Variants in RBFOX1 observed in about 807,000 individuals in gnomAD.
RBFOX1 encodes the protein RNA binding protein fox-1 homolog 1.
RBFOX1 carries 8 observed loss-of-function variants against 57.7 expected under a neutral mutation model. The ratio of observed to expected loss-of-function variants is 0.14; its 90% CI spans 0.08 to 0.25. The LOEUF (loss-of-function observed/expected upper bound fraction) is 0.25, where lower values mean the gene tolerates loss of function less well. RBFOX1 is among the 10% of genes least tolerant of loss of function. RBFOX1 has a pLI of 1.00. For missense variants in RBFOX1, 611 were observed against 548.5 expected (o/e 1.11, Z -1.14); for synonymous variants, 326 against 222.4 (o/e 1.47, Z -4.15).
chr16:5,769,315 C>G (rs1311592804), intron 3 of RBFOX1, among the ~76,000 whole-genome samples: 1 of 151,674 alleles, frequency 6.6e-6, no homozygotes, highest in East Asian at 1.9e-4. Flanking sequence ...TAGGGTGGGC[C>G]CTAATCCAGT....
Position 6,001,273 on chromosome 16 carries a change from G to A in RBFOX1, c.351+133938G>A, listed in dbSNP as rs112353369. On this transcript the variant is annotated intron_variant, in intron 4 of 19. Transcript: ENST00000641259. Reference sequence around the variant, plus strand: ...TGGAATTCTGATAATTTCCAATGAGGTGATTTTCTCTAGATTTTCACTTGT... The same window carrying A: ...TGGAATTCTGATAATTTCCAATGAGATGATTTTCTCTAGATTTTCACTTGT... Among the ~76,000 whole-genome samples the A allele has an allele frequency of 3.1e-3, 466 of 152,206 alleles. 3 individuals are homozygous for A. The highest frequency in any genetic ancestry group is 0.011 in the African/African-American group (453 of 41,526).
intron 3 of RBFOX1, among the ~76,000 whole-genome samples, chr16:6,965,467 G>T (rs149543989): frequency 6.6e-6 from 1 of 152,046 alleles, no homozygotes; most frequent in Non-Finnish European, 1.5e-5. Context: ...CTCCCCAGTA[G>T]CTGGGATTAC....
chr16:6,450,863 A>ATATG (rs2094604504), intron 2 of RBFOX1, among the ~76,000 whole-genome samples: 1 of 91,408 alleles, frequency 1.1e-5, no homozygotes, highest in Admixed American at 1.4e-4. Context: ...ATATATATAT[A>ATATG]TATATATATA....
chr16:7,419,968 GTA>G (rs2098524848), intron 4 of RBFOX1, among the ~76,000 whole-genome samples: 1 of 134,210 alleles, frequency 7.5e-6, no homozygotes, highest in Non-Finnish European at 1.5e-5. Flanking sequence ...GGAAGAATAA[GTA>G]TGGTTTTAGA....
At chr16:7,169,168 C>T (rs2080174459) in intron 4 of RBFOX1, among the ~76,000 whole-genome samples, 2 of 152,106 alleles carry the variant, frequency 1.3e-5, no homozygotes, top group African/African-American at 2.4e-5. Context: ...CAAATTTTGA[C>T]AATATTCATG....
intron 1 of RBFOX1, among the ~76,000 whole-genome samples, chr16:5,263,058 C>G (rs1398409752): frequency 6.6e-6 from 1 of 150,478 alleles, no homozygotes; most frequent in Non-Finnish European, 1.5e-5. Context: ...GTTTTGCTAA[C>G]AATGGCAGGG....
At chr16:7,650,313 CTTTT>C (rs35693712) in intron 11 of RBFOX1, among the ~76,000 whole-genome samples, 10 of 138,868 alleles carry the variant, frequency 7.2e-5, no homozygotes, top group Admixed American at 7.1e-5. Context: ...GTGGAACTCT[CTTTT>C]TTTTTTTTTT....
intron 4 of RBFOX1, among the ~76,000 whole-genome samples, chr16:7,262,563 A>T (rs1460030783): frequency 6.6e-6 from 1 of 152,234 alleles, no homozygotes; most frequent in South Asian, 2.1e-4. Context: ...TGGGGCACCC[A>T]TTGCTCCTCA....
chr16:7,301,945 GAAGAA>G (rs1295051527), intron 4 of RBFOX1, among the ~76,000 whole-genome samples: 1 of 152,152 alleles, frequency 6.6e-6, no homozygotes, highest in African/African-American at 2.4e-5. Context: ...GGAAGTAAGA[GAAGAA>G]AAGAGGGAAT....
At chr16:6,066,436 G>C (rs1280446456) in intron 1 of RBFOX1, among the ~76,000 whole-genome samples, 1 of 151,960 alleles carries the variant, frequency 6.6e-6, no homozygotes, top group South Asian at 2.1e-4. Flanking sequence ...CATCAGAAGG[G>C]AAAAACCCTT....
rs78708405 is a variant in RBFOX1 at position 5,867,794 on chromosome 16, C to A, written c.351+459C>A. Among the ~76,000 whole-genome samples, 1,093 of 152,182 alleles carry A rather than the reference C, an allele frequency of 7.2e-3. 37 individuals carry two copies. The highest frequency in any genetic ancestry group is 0.05 in the Admixed American group (761 of 15,292). On this transcript the variant is annotated intron_variant, in intron 4 of 19. Coordinates refer to the RBFOX1 transcript ENST00000641259. ...TGGCATGATGTCGGCTCACTGCAAC[C>A]TCCGCCTCCCGGGTTCAAGTGATTC...
chr16:7,621,926 A>G (rs2059377681), intron 10 of RBFOX1, among the ~76,000 whole-genome samples: 2 of 152,220 alleles, frequency 1.3e-5, no homozygotes, highest in South Asian at 4.1e-4. Flanking sequence ...CACAAAAATG[A>G]ATAGATGTAG....
chr16:7,127,595 T>C lies in RBFOX1; in HGVS notation c.27+75497T>C, dbSNP rs139655997. Among the ~76,000 whole-genome samples, 716 of 152,280 alleles carry C rather than the reference T, an allele frequency of 4.7e-3. 7 individuals carry two copies. The highest frequency in any genetic ancestry group is 0.017 in the African/African-American group (692 of 41,566). On this transcript the variant is annotated intron_variant, in intron 4 of 15. Transcript: ENST00000550418. ...TGGGGAATGTGTACATTCTGTATCA[T>C]GGTGTGAATAAGTTGAGAGTGAGAG...
chr16:7,261,532 G>A (rs940459928), intron 4 of RBFOX1, among the ~76,000 whole-genome samples: 2 of 152,072 alleles, frequency 1.3e-5, no homozygotes, highest in South Asian at 2.1e-4. Flanking sequence ...GATAACTAAC[G>A]GCAGTAACTT....
At chr16:6,647,356 C>T in intron 2 of RBFOX1, among the ~76,000 whole-genome samples, 1 of 152,204 alleles carries the variant, frequency 6.6e-6, no homozygotes, top group Non-Finnish European at 1.5e-5. Context: ...AATGATTCTC[C>T]TGCCTCAGCC....
intron 4 of RBFOX1, among the ~76,000 whole-genome samples, chr16:7,329,987 G>A (rs189774954): frequency 1.3e-5 from 2 of 152,096 alleles, no homozygotes; most frequent in African/African-American, 4.8e-5. Context: ...AACTGGTCAG[G>A]CAATCTTGTA....
intron 4 of RBFOX1, among the ~76,000 whole-genome samples, chr16:7,221,368 T>TTAC (rs1231064720): frequency 3.3e-4 from 48 of 146,920 alleles, no homozygotes; most frequent in Admixed American, 6.1e-4. Context: ...TATTTATTTT[T>TTAC]TTATTTATTT....
At chr16:6,486,365 C>T (rs1019404635) in intron 2 of RBFOX1, among the ~76,000 whole-genome samples, 7 of 151,668 alleles carry the variant, frequency 4.6e-5, no homozygotes, top group Non-Finnish European at 1.0e-4. Flanking sequence ...AGATTTTGAG[C>T]ACAGTTGTAA....
At chr16:6,485,649 ATTTC>A (rs2095462821) in intron 2 of RBFOX1, among the ~76,000 whole-genome samples, 1 of 152,126 alleles carries the variant, frequency 6.6e-6, no homozygotes, top group Non-Finnish European at 1.5e-5. Context: ...CTTTTTTATC[ATTTC>A]TTTTTAACCA....
Sources: gnomAD v4.1 joint callset for allele counts (sites outside exome capture counted in the v4.1 genomes callset) on GRCh38, gnomAD v4.1.1 for gene constraint, MANE v1.5 for transcripts, NCBI Gene and HGNC (gene_info 2026-07-23, HGNC 2026-07-21) for gene names.